Variants in VMP1 observed in about 807,000 individuals in gnomAD.
The protein encoded by VMP1 is vacuole membrane protein 1, also known as ectopic P-granules autophagy protein 3 homolog.
In VMP1, 11 loss-of-function variants were observed where a neutral mutation model predicts 56.0. That is an observed-to-expected ratio of 0.20 (90% CI 0.12 to 0.32). VMP1 has a LOEUF of 0.32. Ranked by LOEUF, VMP1 falls within the 10% of genes least tolerant of loss-of-function variation. The pLI is 1.00. For synonymous variants in VMP1, 149 were observed against 165.0 expected, an observed-to-expected ratio of 0.90 and a Z score of 0.74; for missense variants, 296 against 490.3, an observed-to-expected ratio of 0.60 and a Z score of 3.74.
At chr17:59,722,138 A>G (rs984684987) in intron 1 of VMP1, among the ~76,000 whole-genome samples, 1 of 152,194 alleles carries the variant, frequency 6.6e-6, no homozygotes, top group Non-Finnish European at 1.5e-5. Context: ...TTATAGTCAC[A>G]TGAGTGTTAG....
intron 9 of VMP1, among the ~76,000 whole-genome samples, chr17:59,815,589 C>T (rs957795057): frequency 3.3e-5 from 5 of 152,172 alleles, no homozygotes; most frequent in African/African-American, 1.2e-4. Flanking sequence ...TGCGGTGGCT[C>T]ACGCCTGTAA....
chr17:59,808,151 T>C (rs2037915676), intron 7 of VMP1, among the ~76,000 whole-genome samples: 1 of 152,244 alleles, frequency 6.6e-6, no homozygotes, highest in Non-Finnish European at 1.5e-5. Context: ...TATTGAATCA[T>C]GTCCTATCTT....
intron 5 of VMP1, among the ~76,000 whole-genome samples, chr17:59,748,128 G>A (rs929830471): frequency 2.0e-5 from 3 of 150,656 alleles, no homozygotes; most frequent in Non-Finnish European, 4.4e-5. Context: ...CCCAGGAGGC[G>A]GAGCTTACAG....
chr17:59,781,636 A>G (rs1209119471), intron 7 of VMP1, among the ~76,000 whole-genome samples: 3 of 152,154 alleles, frequency 2.0e-5, no homozygotes, highest in Non-Finnish European at 4.4e-5. Context: ...GAATCTAAAA[A>G]CGTGAACATT....
In VMP1 at chr17:59,784,142, T is replaced by TGTGTGTGTGTGTGA. The variant is rs556387089; in HGVS notation, c.714+10258_714+10259insTGTGTGTGTGTGAG. Among the ~76,000 whole-genome samples the TGTGTGTGTGTGTGA allele has an allele frequency of 6.6e-4, 86 of 130,454 alleles. 1 individual carries two copies. The highest frequency in any genetic ancestry group is 1.9e-3 in the African/African-American group (62 of 33,496). 85.6% of individuals were successfully genotyped at this position (130,454 alleles called of 152,430 possible). On this transcript the variant is annotated intron_variant, in intron 7 of 11. Coordinates refer to ENST00000262291, the MANE Select transcript of VMP1 (RefSeq NM_030938.5). ...GTGTGTGTGTGTGTGTGTGTGTGTG[T>TGTGTGTGTGTGTGA]GAGAGAGAGAGAGAGATTGGAGGGA...
chr17:59,809,517 T>C (rs1381382927), intron 8 of VMP1, among the ~76,000 whole-genome samples: 5 of 84,120 alleles, frequency 5.9e-5, no homozygotes, highest in Admixed American at 1.2e-4. Flanking sequence ...TTTTTTTTTT[T>C]TTTTTTTGAG....
rs1447860002 is a variant in VMP1, at chr17:59,839,917, GAA to G, written c.*8_*9del. The G allele has an allele frequency of 1.9e-6, 3 of 1,609,862 alleles. No individual in the cohort carries two copies. Among genetic ancestry groups the G allele is most frequent in the Non-Finnish European group, 2.5e-6 (3 of 1,179,250 alleles). On this transcript the variant is annotated 3_prime_UTR_variant, in exon 12 of 12. Transcript: ENST00000262291. The stretch of plus-strand genomic sequence containing the variant: ...CAGAGGAGAAAACTAAATAAGTAGA[GAA>G]AGTTTTAAACTGCAGAAATTGGAGT...
At chr17:59,771,356 G>GT (rs2036418510) in intron 6 of VMP1, among the ~76,000 whole-genome samples, 2 of 151,758 alleles carry the variant, frequency 1.3e-5, no homozygotes, top group African/African-American at 4.8e-5. Flanking sequence ...GTAGAGGCAG[G>GT]GTTTTGCTGT....
chr17:59,727,141 G>GTTTTTTTTTTTT (rs1022672307), intron 1 of VMP1, among the ~76,000 whole-genome samples: 1 of 148,380 alleles, frequency 6.7e-6, no homozygotes, highest in Non-Finnish European at 1.5e-5. Flanking sequence ...GTTTTTTTTT[G>GTTTTTTTTTTTT]TTTTTTTTTG....
At chr17:59,806,758 G>C (rs2037857107) in intron 7 of VMP1, among the ~76,000 whole-genome samples, 4 of 151,116 alleles carry the variant, frequency 2.6e-5, no homozygotes, top group African/African-American at 9.7e-5. Flanking sequence ...CTGATTTAGT[G>C]AAAAAGTAAG....
intron 5 of VMP1, among the ~76,000 whole-genome samples, chr17:59,759,086 TCAA>T (rs887044223): frequency 1.3e-5 from 2 of 152,140 alleles, no homozygotes; most frequent in East Asian, 1.9e-4. Flanking sequence ...AGACCCTGTC[TCAA>T]CAACAACAAC....
intron 7 of VMP1, among the ~76,000 whole-genome samples, chr17:59,804,478 T>TG (rs2037780402): frequency 6.6e-6 from 1 of 151,554 alleles, no homozygotes. Context: ...ATCCGGGCGT[T>TG]GCGGTGTGTG....
chr17:59,798,874 G>A (rs560367312), intron 7 of VMP1, among the ~76,000 whole-genome samples: 98 of 152,182 alleles, frequency 6.4e-4, no homozygotes, highest in African/African-American at 2.0e-3. Context: ...CAACAAGAGC[G>A]AAACTCCGTC....
chr17:59,774,411 C>T (rs1240065910), intron 7 of VMP1, among the ~76,000 whole-genome samples: 1 of 87,456 alleles, frequency 1.1e-5, no homozygotes, highest in Non-Finnish European at 3.3e-5. Flanking sequence ...GGCCCTCTCT[C>T]TAAAAAAAAA....
At chr17:59,759,681 T>C (rs1270651608) in intron 5 of VMP1, among the ~76,000 whole-genome samples, 2 of 152,118 alleles carry the variant, frequency 1.3e-5, no homozygotes, top group East Asian at 3.8e-4. Flanking sequence ...ATATTTAAAG[T>C]GGGTTTCTTA....
chr17:59,792,050 T>C (rs2037250437), intron 7 of VMP1, among the ~76,000 whole-genome samples: 1 of 152,068 alleles, frequency 6.6e-6, no homozygotes, highest in Non-Finnish European at 1.5e-5. Flanking sequence ...GGTAGGAGGA[T>C]CACTTGAGCC....
At chr17:59,726,474 A>G (rs1238251563) in intron 1 of VMP1, among the ~76,000 whole-genome samples, 2 of 151,870 alleles carry the variant, frequency 1.3e-5, no homozygotes, top group Non-Finnish European at 2.9e-5. Context: ...ATGTATTTTT[A>G]GTAGAGACGG....
Position 59,840,149 on chromosome 17 carries a change from C to T in VMP1, c.*238C>T, listed in dbSNP as rs142077942. On this transcript the variant is annotated 3_prime_UTR_variant, in exon 12 of 12. Transcript: ENST00000262291. ...TTTTCTTAGGGTGGAATGTGATGTT[C>T]AGCAGCAAACTTGCAACAGACTGGC... is the stretch of plus-strand genomic sequence containing the variant. The T allele has an allele frequency of 1.2e-3, 560 of 458,514 alleles. 5 individuals carry two copies. The highest frequency in any genetic ancestry group is 0.01 in the African/African-American group (496 of 48,570). The allele number at this position is 458,514 out of a possible 1,614,324, so 28.4% of individuals were successfully genotyped here.
chr17:59,734,088 C>T (rs1423126075), intron 2 of VMP1, among the ~76,000 whole-genome samples: 1 of 152,186 alleles, frequency 6.6e-6, no homozygotes, highest in African/African-American at 2.4e-5. Flanking sequence ...TTCCCAAAAT[C>T]TATAGCTCTA....
Sources: allele counts gnomAD v4.1 joint callset (sites outside exome capture counted in the v4.1 genomes callset), GRCh38; gene constraint gnomAD v4.1.1; transcripts MANE v1.5; gene names NCBI Gene and HGNC (gene_info 2026-07-23, HGNC 2026-07-21).